ERAP2: variants seen among roughly 807,000 people sequenced by gnomAD.
ERAP2 encodes endoplasmic reticulum aminopeptidase 2, also known as leukocyte-derived arginine aminopeptidase.
In ERAP2, 118 loss-of-function variants were observed where a neutral mutation model predicts 111.1. The ratio of observed to expected loss-of-function variants is 1.06; its 90% confidence interval spans 0.92 to 1.24. ERAP2 has a LOEUF of 1.24. ERAP2 is among the 50% of genes most tolerant of loss of function. The pLI, the probability that ERAP2 is intolerant of heterozygous loss-of-function variation, is 0.00. For missense variants in ERAP2, 1,131 were observed against 1,125.8 expected, an observed-to-expected ratio of 1.00 and a Z score of -0.07; for synonymous variants, 410 against 401.2, an observed-to-expected ratio of 1.02 and a Z score of -0.26.
At chr5:96,909,470 GAA>G (rs1786468058) in intron 14 of ERAP2, 108 bp from the exon 15 acceptor site, 2 of 819,252 alleles carry the variant, frequency 2.4e-6, no homozygotes, top group Non-Finnish European at 4.0e-6. Context: ...ACTGTTTGGG[GAA>G]AGATTGGGAA....
intron 1 of ERAP2, among the ~76,000 whole-genome samples, chr5:96,879,300 C>T (rs1487800446): frequency 6.6e-6 from 1 of 152,148 alleles, no homozygotes; most frequent in Non-Finnish European, 1.5e-5. Context: ...ATTTACACAC[C>T]TGCCTTCTGC....
At chr5:96,890,619 C>T (rs189358594) in intron 5 of ERAP2, among the ~76,000 whole-genome samples, 2 of 152,314 alleles carry the variant, frequency 1.3e-5, no homozygotes, top group African/African-American at 2.4e-5. Flanking sequence ...GGATATACTT[C>T]TTATCCTGTC....
intron 6 of ERAP2, among the ~76,000 whole-genome samples, chr5:96,894,376 T>C (rs1441107752): frequency 6.6e-6 from 1 of 152,180 alleles, no homozygotes; most frequent in Non-Finnish European, 1.5e-5. Context: ...GAATAGTGCT[T>C]AAACTGTTTC....
intron 5 of ERAP2, 122 bp downstream of exon 5, chr5:96,889,427 AAAT>A: frequency 8.9e-7 from 1 of 1,127,266 alleles, no homozygotes; most frequent in Non-Finnish European, 1.3e-6. Flanking sequence ...GCTCAGGAAA[AAAT>A]AATTTGTTCC....
Position 96,909,671 on chromosome 5 carries a change from T to C in ERAP2, c.2261T>C (p.Leu754Pro). 6.2e-7 allele frequency: 1 copy of C among 1,614,208 alleles called. No homozygotes were observed. Among genetic ancestry groups the C allele is most frequent in the South Asian group, 1.1e-5 (1 of 91,088 alleles). ...SVWDRMLRSA[L>P]LKLACDLNHA... The stretch of plus-strand genomic sequence containing the variant: ...TGGGACAGGATGCTCCGCTCGGCTC[T>C]CTTGAAGCTGGCCTGTGACCTGAAC... Residue 754 changes from leucine to proline, a missense_variant, in exon 15 of 19, where the codon CTC becomes CCC. Leu to Pro is a moderately conservative substitution (Grantham distance 98, BLOSUM62 -3). This residue lies in a region of ERAP2 where 279 missense variants were observed against 250.9 expected (regional missense o/e 1.11). Transcript: ENST00000437043.
rs1389893511 is a variant in ERAP2 at position 96,918,883 on chromosome 5, C to T, written c.*1278C>T. 1 of 151,152 alleles carries T rather than the reference C, an allele frequency of 6.6e-6. No individual in the cohort carries two copies. Among genetic ancestry groups the T allele is most frequent in the Non-Finnish European group, 1.5e-5 (1 of 68,014 alleles). 9.4% of individuals were successfully genotyped at this position (151,152 alleles called of 1,614,324 possible). A position where few individuals can be genotyped will look rare whatever the true frequency, so the allele number is the denominator to read the frequency against. On this transcript the variant is annotated 3_prime_UTR_variant, in exon 19 of 19. Coordinates refer to ENST00000437043, the MANE Select transcript of ERAP2 (RefSeq NM_022350.5). The stretch of plus-strand genomic sequence containing the variant: ...GCATTTCTTCATATTTTAAGGAAAC[C>T]CCCCACCTCCTTCTTTTAAGGGCGC...
chr5:96,915,021 T>G (rs1787217118), intron 17 of ERAP2, among the ~76,000 whole-genome samples: 1 of 152,160 alleles, frequency 6.6e-6, no homozygotes, highest in African/African-American at 2.4e-5. Flanking sequence ...AATTTATTTT[T>G]TTTGAGACGG....
At chr5:96,914,875 A>G (rs140891331) in intron 17 of ERAP2, among the ~76,000 whole-genome samples, 142 of 152,256 alleles carry the variant, frequency 9.3e-4, no homozygotes, top group African/African-American at 3.2e-3. Context: ...TTCTTATCTA[A>G]TTTTAAATTT....
chr5:96,883,460 G>T (rs1340934291), intron 2 of ERAP2, among the ~76,000 whole-genome samples: 1 of 152,152 alleles, frequency 6.6e-6, no homozygotes, highest in Non-Finnish European at 1.5e-5. Flanking sequence ...AAGACATGTA[G>T]ACAACATGTG....
rs372298716 is a variant in ERAP2, at chr5:96,883,675, G to A, written c.576-117G>A. On this transcript the variant is annotated intron_variant, in intron 2 of 18. Transcript: ENST00000437043. ...ACAGTTGAGATTCACAAAGATTGCA[G>A]TTTGAGAAATCAAGTCTATTACCCC... 10 of 1,018,934 alleles carry A rather than the reference G, an allele frequency of 9.8e-6. No homozygotes were observed. The East Asian group carries it at 2.7e-4, about 28-fold the overall frequency. 63.1% of individuals were successfully genotyped at this position (1,018,934 alleles called of 1,614,324 possible). A position where few individuals can be genotyped will look rare whatever the true frequency, so the allele number is the denominator to read the frequency against.
rs534870563 is a variant in ERAP2, at chr5:96,912,772, G to A, written c.2490G>A (p.Thr830=). ...ACAAAATTCTGTATGCTTTGTCAAC[G>A]AGCAAGCATCAGGAAAAGTTACTGA... is the stretch of plus-strand genomic sequence containing the variant. ...EQNKILYALS[T]SKHQEKLLKL... The change falls in exon 16 of 19, where the codon ACG becomes ACA. Residue 830 remains threonine, a synonymous_variant. Transcript: ENST00000437043. 3.7e-6 allele frequency: 6 copies of A among 1,601,496 alleles called. No homozygotes were observed. Among genetic ancestry groups the A allele is most frequent in the South Asian group, 2.3e-5 (2 of 87,928 alleles).
chr5:96,891,369 G>GTA (rs553924596), intron 5 of ERAP2, among the ~76,000 whole-genome samples: 788 of 34,392 alleles, frequency 0.023, 11 homozygotes, highest in African/African-American at 0.062. Flanking sequence ...ATATATATAT[G>GTA]TGTATATATA....
chr5:96,891,519 C>T (rs1784379075), intron 5 of ERAP2, among the ~76,000 whole-genome samples: 1 of 27,486 alleles, frequency 3.6e-5, no homozygotes, highest in African/African-American at 1.5e-4. Flanking sequence ...ATATATATGC[C>T]CATATACGGT....
At chr5:96,907,014 G>T (rs1457722367) in intron 13 of ERAP2, among the ~76,000 whole-genome samples, 1 of 152,196 alleles carries the variant, frequency 6.6e-6, no homozygotes, top group Non-Finnish European at 1.5e-5. Context: ...GGCAACAGGA[G>T]TGAAACTCCA....
At chr5:96,881,512 G>A (rs747757594) in intron 2 of ERAP2, 10 of 455,498 alleles carry the variant, frequency 2.2e-5, no homozygotes, top group Admixed American at 7.1e-5. Flanking sequence ...GCACTCTCAC[G>A]TTATGTGAAT....
In ERAP2 at chr5:96,879,361, G is replaced by C. The variant is rs542659342; in HGVS notation, c.-122-203G>C. ...TTCATTACATTCAATTTTAAGGTAG[G>C]GTTTTTTGGGGGAGTCCTAAAGGGT... is the stretch of plus-strand genomic sequence containing the variant. On this transcript the variant is annotated intron_variant, in intron 1 of 18. Coordinates refer to ENST00000437043, the MANE Select transcript of ERAP2 (RefSeq NM_022350.5). Among the ~76,000 whole-genome samples, 192 of 152,302 alleles carry C rather than the reference G, an allele frequency of 1.3e-3. 1 individual carries two copies. The highest frequency in any genetic ancestry group is 1.6e-3 in the Non-Finnish European group (108 of 68,038).
At chr5:96,883,735 T>C (rs1783405954) in intron 2 of ERAP2, 57 bp from the exon 3 acceptor site, 7 of 1,550,948 alleles carry the variant, frequency 4.5e-6, no homozygotes, top group Non-Finnish European at 6.1e-6. Context: ...ATGTACAGAT[T>C]CATTTCTCTT....
intron 2 of ERAP2, among the ~76,000 whole-genome samples, chr5:96,883,117 G>C (rs1185546811): frequency 6.6e-6 from 1 of 152,110 alleles, no homozygotes; most frequent in South Asian, 2.1e-4. Context: ...CAGACCATTA[G>C]CCAACAATGG....
chr5:96,887,667 C>T (rs896180585), intron 4 of ERAP2, among the ~76,000 whole-genome samples: 8 of 152,036 alleles, frequency 5.3e-5, no homozygotes, highest in Non-Finnish European at 8.8e-5. Flanking sequence ...TTAGAGTCTT[C>T]GTTGTTTGCA....
Sources: gnomAD v4.1 joint callset for allele counts (sites outside exome capture counted in the v4.1 genomes callset) on GRCh38, gnomAD v4.1.1 for gene constraint, gnomAD v4.1.1 regional missense constraint, MANE v1.5 for transcripts, NCBI Gene and HGNC (gene_info 2026-07-23, HGNC 2026-07-21) for gene names.